Variants in FOXN3 observed in about 807,000 individuals in gnomAD.
FOXN3 encodes the protein forkhead box N3, also known as forkhead box protein N3.
FOXN3 carries 7 observed loss-of-function variants against 38.4 expected under a neutral mutation model. The ratio of observed to expected loss-of-function variants is 0.18; its 90% confidence interval spans 0.10 to 0.34. The LOEUF (loss-of-function observed/expected upper bound fraction) is 0.34, where lower values mean the gene tolerates loss of function less well. FOXN3 is among the 10% of genes least tolerant of loss of function. The pLI, the probability that FOXN3 is intolerant of heterozygous loss-of-function variation, is 1.00. For missense variants in FOXN3, 456 were observed against 613.4 expected (o/e 0.74, Z 2.71); for synonymous variants, 230 against 242.2 (o/e 0.95, Z 0.47).
At chr14:89,239,928 A>G (rs1335255131) in intron 4 of FOXN3, among the ~76,000 whole-genome samples, 2 of 152,212 alleles carry the variant, frequency 1.3e-5, no homozygotes, top group East Asian at 1.9e-4. Context: ...TCTGCACCCA[A>G]GTTTATGTCT....
upstream of FOXN3, chr14:89,417,707 A>C: frequency 2.2e-6 from 1 of 455,992 alleles, no homozygotes; most frequent in South Asian, 1.5e-5. Flanking sequence ...GGGTGAGAAG[A>C]GGAGATTCCA....
chr14:89,499,339 G>A (rs866197393), intron 1 of FOXN3, among the ~76,000 whole-genome samples: 1 of 152,128 alleles, frequency 6.6e-6, no homozygotes. Context: ...CCTGAGCACT[G>A]AAGTGCCGAC....
At chr14:89,472,686 A>C (rs1185737809) in intron 1 of FOXN3, among the ~76,000 whole-genome samples, 2 of 143,476 alleles carry the variant, frequency 1.4e-5, no homozygotes, top group Non-Finnish European at 1.5e-5. Context: ...GCGCCACTGC[A>C]CTCCAGCCTG....
intron 1 of FOXN3, among the ~76,000 whole-genome samples, chr14:89,467,623 T>A (rs911571759): frequency 4.8e-5 from 7 of 144,480 alleles, no homozygotes; most frequent in African/African-American, 1.5e-4. Flanking sequence ...CCCTCTTGCT[T>A]TTTTTTTTTT....
chr14:89,360,130 T>C (rs1429408088), intron 2 of FOXN3, among the ~76,000 whole-genome samples: 1 of 152,062 alleles, frequency 6.6e-6, no homozygotes. Flanking sequence ...CCGGGGCCCC[T>C]GCACACTGGC....
intron 1 of FOXN3, among the ~76,000 whole-genome samples, chr14:89,588,123 C>T (rs1489820039): frequency 6.6e-6 from 1 of 152,092 alleles, no homozygotes; most frequent in Non-Finnish European, 1.5e-5. Context: ...ATAGTGACTT[C>T]TCGCAAGACC....
Position 89,363,694 on chromosome 14 carries a change from G to A in FOXN3, c.544-12886C>T, listed in dbSNP as rs958344201. ...TTAATTCTCCTCTCTGTCAAGGGAC[G>A]TCACAGTAGAAGTTAGGTGGTACTA... is the stretch of plus-strand genomic sequence containing the variant. On this transcript the variant is annotated intron_variant, in intron 2 of 5. Transcript: ENST00000557258. Among the ~76,000 whole-genome samples, 14 of 152,288 alleles carry A rather than the reference G, an allele frequency of 9.2e-5. No individual in the cohort carries two copies. The South Asian group carries it at 2.1e-3, about 23-fold the overall frequency.
chr14:89,570,298 C>T (rs1249016318), intron 1 of FOXN3, among the ~76,000 whole-genome samples: 4 of 152,106 alleles, frequency 2.6e-5, no homozygotes, highest in African/African-American at 7.2e-5. Flanking sequence ...CGCATCCAGC[C>T]GGTACACTTG....
At chr14:89,324,431 G>A (rs1887981739) in intron 3 of FOXN3, among the ~76,000 whole-genome samples, 2 of 142,768 alleles carry the variant, frequency 1.4e-5, no homozygotes, top group South Asian at 4.8e-4. Flanking sequence ...GTTTGAAACA[G>A]CTAAGTGTGT....
intron 4 of FOXN3, among the ~76,000 whole-genome samples, chr14:89,217,425 C>A (rs1351651103): frequency 2.0e-5 from 3 of 152,190 alleles, no homozygotes; most frequent in Non-Finnish European, 2.9e-5. Flanking sequence ...CAGGCATGAG[C>A]CACCACGCCT....
At chr14:89,527,719 T>TTTTTG (rs60566758) in intron 1 of FOXN3, among the ~76,000 whole-genome samples, 10 of 146,890 alleles carry the variant, frequency 6.8e-5, no homozygotes, top group African/African-American at 2.3e-4. Context: ...TTTTTTTTTT[T>TTTTTG]GATACAGAGT....
At chr14:89,204,748 T>C in intron 4 of FOXN3, among the ~76,000 whole-genome samples, 1 of 152,158 alleles carries the variant, frequency 6.6e-6, no homozygotes, top group South Asian at 2.1e-4. Context: ...TGCTTTTGCT[T>C]TCCCTGAATA....
chr14:89,604,863 T>C (rs1270418606), intron 1 of FOXN3, among the ~76,000 whole-genome samples: 1 of 152,176 alleles, frequency 6.6e-6, no homozygotes, highest in Non-Finnish European at 1.5e-5. Flanking sequence ...GCAGTGGAAG[T>C]CAGAAAACAA....
intron 1 of FOXN3, among the ~76,000 whole-genome samples, chr14:89,424,988 C>A (rs796764795): frequency 2.6e-5 from 4 of 151,774 alleles, no homozygotes; most frequent in African/African-American, 4.8e-5. Context: ...AAGAGGAGAT[C>A]ACCTCTCTCA....
At chr14:89,498,537 C>G (rs543769874) in intron 1 of FOXN3, among the ~76,000 whole-genome samples, 1 of 152,274 alleles carries the variant, frequency 6.6e-6, no homozygotes, top group African/African-American at 2.4e-5. Context: ...CTGGCTGCTT[C>G]TTAGCCACAC....
chr14:89,287,537 G>A (rs1886667272), intron 3 of FOXN3, among the ~76,000 whole-genome samples: 1 of 152,100 alleles, frequency 6.6e-6, no homozygotes, highest in African/African-American at 2.4e-5. Context: ...CCATTGTCAG[G>A]TGGGCACCAG....
intron 4 of FOXN3, among the ~76,000 whole-genome samples, chr14:89,192,637 T>C (rs990988151): frequency 7.0e-6 from 1 of 143,354 alleles, no homozygotes; most frequent in African/African-American, 2.5e-5. Flanking sequence ...ATAAACTATA[T>C]AAATCTTATA....
chr14:89,486,826 A>G (rs1893456735), intron 1 of FOXN3, among the ~76,000 whole-genome samples: 3 of 152,204 alleles, frequency 2.0e-5, no homozygotes, highest in Non-Finnish European at 4.4e-5. Flanking sequence ...TTGGATCATT[A>G]TTAAAAGACT....
chr14:89,437,008 G>A (rs773430914), intron 1 of FOXN3, among the ~76,000 whole-genome samples: 71 of 152,134 alleles, frequency 4.7e-4, no homozygotes, highest in African/African-American at 1.3e-3. Flanking sequence ...TTAGCCAGGC[G>A]TGGTGGCAGA....
Sources: gnomAD v4.1 joint callset for allele counts (sites outside exome capture counted in the v4.1 genomes callset) on GRCh38, gnomAD v4.1.1 for gene constraint, MANE v1.5 for transcripts, NCBI Gene and HGNC (gene_info 2026-07-23, HGNC 2026-07-21) for gene names.